Variants in NTN1 observed in about 807,000 individuals in gnomAD.
NTN1 encodes the protein netrin-1.
In NTN1, 11 loss-of-function variants were observed where a neutral mutation model predicts 54.2. The ratio of observed to expected loss-of-function variants is 0.20; its 90% CI spans 0.13 to 0.34. NTN1 has a LOEUF of 0.34. NTN1 is among the 10% of genes least tolerant of loss of function. The probability of loss-of-function intolerance (pLI) is 1.00; values close to 1 mark genes in which losing one functional copy is unlikely to be tolerated. For synonymous variants in NTN1, 371 were observed against 382.0 expected, an observed-to-expected ratio of 0.97 and a Z score of 0.33; for missense variants, 740 against 893.1, an observed-to-expected ratio of 0.83 and a Z score of 2.18.
intron 2 of NTN1, among the ~76,000 whole-genome samples, chr17:9,061,943 T>G (rs922654293): frequency 6.6e-6 from 1 of 152,166 alleles, no homozygotes; most frequent in Non-Finnish European, 1.5e-5. Flanking sequence ...GACCTCGTGA[T>G]GCGCCTGCCT....
At chr17:9,014,308 G>A in the NTN1 span, among the ~76,000 whole-genome samples, 5 of 152,004 alleles carry the variant, frequency 3.3e-5, no homozygotes, top group African/African-American at 1.2e-4. Context: ...ACTGTCCCTC[G>A]TACTTCTAGG....
intron 2 of NTN1, among the ~76,000 whole-genome samples, chr17:9,106,703 G>A (rs988554077): frequency 2.6e-5 from 4 of 151,826 alleles, no homozygotes; most frequent in Admixed American, 6.6e-5. Flanking sequence ...TAGTAGAGAC[G>A]GGGGTTTCAC....
At chr17:9,144,260 GC>G (rs2092306847) in intron 2 of NTN1, among the ~76,000 whole-genome samples, 1 of 151,742 alleles carries the variant, frequency 6.6e-6, no homozygotes, top group African/African-American at 2.4e-5. Context: ...CTCCTGTAGA[GC>G]CATGTGTCCA....
chr17:9,198,396 C>T (rs79059269), intron 5 of NTN1, among the ~76,000 whole-genome samples: 214 of 152,330 alleles, frequency 1.4e-3, no homozygotes, highest in African/African-American at 4.7e-3. Flanking sequence ...AGTGTCCATC[C>T]GTCAAGGGCA....
chr17:9,224,419 C>T (rs1365951413), intron 6 of NTN1, among the ~76,000 whole-genome samples: 1 of 152,196 alleles, frequency 6.6e-6, no homozygotes, highest in Non-Finnish European at 1.5e-5. Flanking sequence ...TGCCATCGGA[C>T]CCTCTGTTCC....
chr17:9,104,818 C>T (rs1043826612), intron 2 of NTN1, among the ~76,000 whole-genome samples: 8 of 152,220 alleles, frequency 5.3e-5, no homozygotes, highest in Admixed American at 1.3e-4. Flanking sequence ...GGATTTCCCA[C>T]GTGGGCTTTA....
At chr17:9,131,997 A>G (rs1485106604) in intron 2 of NTN1, among the ~76,000 whole-genome samples, 1 of 147,926 alleles carries the variant, frequency 6.8e-6, no homozygotes, top group African/African-American at 2.5e-5. Flanking sequence ...TTTTTTTGGT[A>G]GAAACTGGGT....
chr17:9,084,994 A>G lies in NTN1; in HGVS notation c.1018+61603A>G, dbSNP rs886495960. Among the ~76,000 whole-genome samples the G allele has an allele frequency of 8.5e-5, 13 of 152,244 alleles. No individual in the cohort carries two copies. In the East Asian group the frequency reaches 9.7e-4, roughly 11 times the overall value. Reference sequence around the variant, plus strand: ...ACACTTTTTTCTGATACTTGCAGCAATGAGAGTAGAGCCAGCAGCTTCATG... The same window carrying G: ...ACACTTTTTTCTGATACTTGCAGCAGTGAGAGTAGAGCCAGCAGCTTCATG... On this transcript the variant is annotated intron_variant, in intron 2 of 6. Coordinates refer to ENST00000173229, the MANE Select transcript of NTN1 (RefSeq NM_004822.3).
At chr17:9,026,962 TA>T (rs35023427) in intron 2 of NTN1, among the ~76,000 whole-genome samples, 49,475 of 151,934 alleles carry the variant, frequency 0.33, 8,336 homozygotes, top group African/African-American at 0.39. Flanking sequence ...GTTGGCCTCT[TA>T]ATGGTCATAG....
chr17:9,156,583 G>A lies in NTN1; in HGVS notation c.1019-6230G>A, dbSNP rs565177907. On this transcript the variant is annotated intron_variant, in intron 2 of 6. Coordinates refer to ENST00000173229, the MANE Select transcript of NTN1 (RefSeq NM_004822.3). ...AGTTCGCCAGGGTCTTTTGGGGTGGGCCAACACTTATGGTTTGGTAAATTC... is the reference window on the plus strand; with the variant it reads ...AGTTCGCCAGGGTCTTTTGGGGTGGACCAACACTTATGGTTTGGTAAATTC... Among the ~76,000 whole-genome samples, 28 of 152,286 alleles carry A rather than the reference G, an allele frequency of 1.8e-4. No individual in the cohort carries two copies. In the South Asian group the frequency reaches 5.6e-3, roughly 30 times the overall value.
chr17:9,023,528 G>C (rs1198850914), intron 2 of NTN1, 137 bp downstream of exon 2: 1 of 1,106,186 alleles, frequency 9.0e-7, no homozygotes, highest in Non-Finnish European at 1.2e-6. Context: ...CGGGACCCGG[G>C]AGGGCTCAGA....
In NTN1 at chr17:9,097,333, T is replaced by C. The variant is rs568227445; in HGVS notation, c.1019-65480T>C. ...GTGTGCTTCTATTTATGTTAAAAAATATGAAGATATTCTGGGCGCGGTGGC... is the reference window on the plus strand; with the variant it reads ...GTGTGCTTCTATTTATGTTAAAAAACATGAAGATATTCTGGGCGCGGTGGC... On this transcript the variant is annotated intron_variant, in intron 2 of 6. Coordinates refer to ENST00000173229, the MANE Select transcript of NTN1 (RefSeq NM_004822.3). Among the ~76,000 whole-genome samples the C allele has an allele frequency of 6.6e-5, 10 of 152,236 alleles. No homozygotes were observed. In the South Asian group the frequency reaches 1.7e-3, roughly 25 times the overall value.
At chr17:9,048,439 A>T (rs1305159637) in intron 2 of NTN1, among the ~76,000 whole-genome samples, 1 of 152,072 alleles carries the variant, frequency 6.6e-6, no homozygotes, top group East Asian at 1.9e-4. Context: ...GCACAGGCAG[A>T]GTGGTTTTAG....
intron 3 of NTN1, chr17:9,171,068 T>C (rs925062528): frequency 6.6e-6 from 1 of 152,174 alleles, no homozygotes; most frequent in Non-Finnish European, 1.5e-5. Flanking sequence ...AGGGAAAGGA[T>C]AGGTTGTGCA....
intron 5 of NTN1, among the ~76,000 whole-genome samples, chr17:9,188,446 G>C (rs1359510482): frequency 1.6e-5 from 2 of 126,010 alleles, no homozygotes; most frequent in East Asian, 4.8e-4. Flanking sequence ...AAAAAAAAGA[G>C]TGCTAAATCT....
At chr17:9,088,024 C>T (rs901433938) in intron 2 of NTN1, among the ~76,000 whole-genome samples, 1 of 152,182 alleles carries the variant, frequency 6.6e-6, no homozygotes, top group African/African-American at 2.4e-5. Flanking sequence ...GCTGTCCTTC[C>T]TCCCCAGAGG....
Position 9,179,932 on chromosome 17 carries a change from C to A in NTN1, c.1333C>A (p.Arg445Ser). The A allele has an allele frequency of 1.2e-6, 2 of 1,613,906 alleles. No homozygotes were observed. The highest frequency in any genetic ancestry group is 2.2e-5 in the East Asian group (1 of 44,882). The change falls in exon 4 of 7, where the codon CGC (arginine) becomes AGC (serine). Residue 445 changes from arginine to serine, a missense_variant. By Grantham distance (110) the Arg-to-Ser change is moderately radical (BLOSUM62 -1). Transcript: ENST00000173229. ...NRCAKGYQQS[R>S]SPIAPCIKIP... ...CTGCGCCAAAGGCTACCAGCAGAGC[C>A]GCTCTCCCATCGCCCCCTGCATAAG...
chr17:9,195,686 A>G (rs1435278636), intron 5 of NTN1, among the ~76,000 whole-genome samples: 1 of 152,082 alleles, frequency 6.6e-6, no homozygotes, highest in East Asian at 1.9e-4. Context: ...ACTTGTAGCA[A>G]CTGGGTCACA....
the NTN1 span, among the ~76,000 whole-genome samples, chr17:9,010,046 T>G: frequency 1.9e-4 from 29 of 152,318 alleles, no homozygotes; most frequent in African/African-American, 7.0e-4. Flanking sequence ...TTTTGGTGGT[T>G]GCAGGACCAG....
Sources: allele counts gnomAD v4.1 joint callset (sites outside exome capture counted in the v4.1 genomes callset), GRCh38; gene constraint gnomAD v4.1.1; transcripts MANE v1.5; gene names NCBI Gene and HGNC (gene_info 2026-07-23, HGNC 2026-07-21).